Variants in SPIN1 observed in about 807,000 individuals in gnomAD.
The protein encoded by SPIN1 is spindlin 1.
Under a neutral mutation model 26.0 loss-of-function variants are expected in SPIN1, and 3 were observed. The ratio of observed to expected loss-of-function variants is 0.12; its 90% confidence interval spans 0.05 to 0.30. The LOEUF is 0.30. SPIN1 is among the 10% of genes least tolerant of loss of function. SPIN1 has a pLI of 1.00. For synonymous variants in SPIN1, 101 were observed against 116.5 expected (o/e 0.87, Z 0.86); for missense variants, 126 against 333.4 (o/e 0.38, Z 4.84).
intron 1 of SPIN1, chr9:88,410,494 C>T: frequency 5.3e-6 from 4 of 756,586 alleles, no homozygotes; most frequent in South Asian, 1.4e-5. Context: ...TGTCACTTCT[C>T]TGGTTCTCCT....
intron 1 of SPIN1, among the ~76,000 whole-genome samples, chr9:88,397,977 A>G (rs926088298): frequency 1.3e-5 from 2 of 151,458 alleles, no homozygotes; most frequent in African/African-American, 4.8e-5. Flanking sequence ...GCTGTAGTGC[A>G]GTGGCACAGT....
At chr9:88,431,165 G>A (rs1192847818) in intron 2 of SPIN1, among the ~76,000 whole-genome samples, 1 of 151,922 alleles carries the variant, frequency 6.6e-6, no homozygotes, top group East Asian at 1.9e-4. Context: ...GATTATAGGC[G>A]TGAGCCACCA....
At chr9:88,407,281 CAGG>C (rs1827330818) in intron 1 of SPIN1, among the ~76,000 whole-genome samples, 1 of 151,940 alleles carries the variant, frequency 6.6e-6, no homozygotes, top group Admixed American at 6.6e-5. Context: ...GGACTACATA[CAGG>C]TGTGCGCCAC....
At chr9:88,411,502 G>A (rs915165868) in intron 1 of SPIN1, 9 of 809,286 alleles carry the variant, frequency 1.1e-5, no homozygotes, top group African/African-American at 8.6e-5. Flanking sequence ...ATGCTTCAGC[G>A]TCATCCATGG....
chr9:88,462,238 G>A (rs1488091151), intron 3 of SPIN1, among the ~76,000 whole-genome samples: 2 of 152,128 alleles, frequency 1.3e-5, no homozygotes, highest in Non-Finnish European at 1.5e-5. Flanking sequence ...CTATTGACTA[G>A]TAGTTTTTTC....
At chr9:88,402,884 G>A (rs138260106) in intron 1 of SPIN1, among the ~76,000 whole-genome samples, 9 of 152,058 alleles carry the variant, frequency 5.9e-5, no homozygotes, top group South Asian at 2.1e-4. Flanking sequence ...AGAAATCTCC[G>A]TACTGTTTTT....
intron 1 of SPIN1, among the ~76,000 whole-genome samples, chr9:88,404,384 G>A (rs2117924428): frequency 6.6e-6 from 1 of 152,124 alleles, no homozygotes; most frequent in South Asian, 2.1e-4. Context: ...ATCCAGTCTT[G>A]GCTGCTACAG....
chr9:88,462,470 T>TTATGTGTGTA, intron 3 of SPIN1, 26 bp from the exon 4 acceptor site: 1 of 1,608,952 alleles, frequency 6.2e-7, no homozygotes, highest in Non-Finnish European at 8.5e-7. Context: ...AGATAATACC[T>TTATGTGTGTA]TATGTGTGTA....
rs796189049 is a variant in SPIN1 at position 88,441,430 on chromosome 9, CAT to C, written c.53-7510_53-7509del. Among the ~76,000 whole-genome samples the C allele has an allele frequency of 4.9e-3, 459 of 93,246 alleles. 10 individuals carry two copies. In the South Asian group the frequency reaches 0.061, roughly 12 times the overall value. 61.2% of individuals were successfully genotyped at this position (93,246 alleles called of 152,430 possible). A position where few individuals can be genotyped will look rare whatever the true frequency, so the allele number is the denominator to read the frequency against. ...GTGTGTGTGTGCGCGCGCGCGCGCC[CAT>C]GTGTGTGTACATACATTGTTGCTCA... On this transcript the variant is annotated intron_variant, in intron 2 of 5. Transcript: ENST00000375859.
At chr9:88,412,673 GTCTT>G (rs746706231) in intron 1 of SPIN1, among the ~76,000 whole-genome samples, 26 of 152,102 alleles carry the variant, frequency 1.7e-4, no homozygotes, top group Admixed American at 5.2e-4. Flanking sequence ...AGACCATGGT[GTCTT>G]TCTTTGTCAG....
chr9:88,429,925 CAAG>C (rs1827833184), intron 2 of SPIN1, among the ~76,000 whole-genome samples: 1 of 152,018 alleles, frequency 6.6e-6, no homozygotes, highest in Non-Finnish European at 1.5e-5. Context: ...AGCTGTAAGT[CAAG>C]AGGAGGAGGA....
intron 2 of SPIN1, among the ~76,000 whole-genome samples, chr9:88,441,256 T>G (rs1404120399): frequency 6.6e-6 from 1 of 151,874 alleles, no homozygotes; most frequent in Non-Finnish European, 1.5e-5. Context: ...ATGCAAATAC[T>G]ACACCATTTT....
chr9:88,392,703 T>A (rs768852355), intron 1 of SPIN1, among the ~76,000 whole-genome samples: 32 of 152,096 alleles, frequency 2.1e-4, no homozygotes, highest in Non-Finnish European at 4.4e-4. Context: ...TGTGAGTGTG[T>A]TTATGTATAG....
intron 1 of SPIN1, among the ~76,000 whole-genome samples, chr9:88,399,193 G>T (rs959572890): frequency 1.3e-5 from 2 of 151,880 alleles, no homozygotes; most frequent in African/African-American, 4.8e-5. Context: ...CACCATGCCT[G>T]GCTAGTTTTT....
At chr9:88,416,027 A>G (rs1375209125) in intron 1 of SPIN1, among the ~76,000 whole-genome samples, 5 of 150,996 alleles carry the variant, frequency 3.3e-5, no homozygotes, top group African/African-American at 9.8e-5. Flanking sequence ...AAGTGCTGCC[A>G]TTACAGGCAT....
chr9:88,439,867 T>C (rs907802013), intron 2 of SPIN1, among the ~76,000 whole-genome samples: 1 of 152,238 alleles, frequency 6.6e-6, no homozygotes, highest in Non-Finnish European at 1.5e-5. Context: ...TCTGTGTATC[T>C]TTATAGTTAA....
chr9:88,424,558 C>T (rs574263292), intron 1 of SPIN1, among the ~76,000 whole-genome samples: 2 of 152,188 alleles, frequency 1.3e-5, no homozygotes, highest in East Asian at 1.9e-4. Context: ...GGAAGTTAGT[C>T]CCTGAGGGAG....
chr9:88,461,946 G>A (rs1033278640), intron 3 of SPIN1, among the ~76,000 whole-genome samples: 2 of 152,148 alleles, frequency 1.3e-5, no homozygotes, highest in African/African-American at 4.8e-5. Context: ...ATATAAGCTA[G>A]TCTGGACTTC....
At chr9:88,451,640 A>G (rs1828355094) in intron 3 of SPIN1, among the ~76,000 whole-genome samples, 2 of 152,184 alleles carry the variant, frequency 1.3e-5, no homozygotes, top group African/African-American at 4.8e-5. Context: ...GGTTCACTGC[A>G]ACCTCCACCT....
Sources: gnomAD v4.1 joint callset for allele counts (sites outside exome capture counted in the v4.1 genomes callset) on GRCh38, gnomAD v4.1.1 for gene constraint, MANE v1.5 for transcripts, NCBI Gene and HGNC (gene_info 2026-07-23, HGNC 2026-07-21) for gene names.